The following WDHD1 variants were observed in gnomAD, a reference collection of about 807,000 sequenced individuals.
The protein encoded by WDHD1 is WD repeat and HMG-box DNA-binding protein 1.
Under a neutral mutation model 135.4 loss-of-function variants are expected in WDHD1, and 111 were observed. The observed-to-expected ratio is 0.82, with a 90% confidence interval of 0.70 to 0.96. WDHD1 has a LOEUF of 0.96. WDHD1 is among the 40% of genes least tolerant of loss of function. WDHD1 has a pLI of 0.00. For synonymous variants in WDHD1, 434 were observed against 439.0 expected (o/e 0.99, Z 0.14); for missense variants, 1,351 against 1,336.3 (o/e 1.01, Z -0.17).
At chr14:55,006,273 C>A (rs2042067525) in intron 7 of WDHD1, among the ~76,000 whole-genome samples, 1 of 152,102 alleles carries the variant, frequency 6.6e-6, no homozygotes. Flanking sequence ...TTCTATTTAT[C>A]CAAGTCTTCT....
At chr14:55,004,911 G>A in intron 7 of WDHD1, 1 of 526,170 alleles carries the variant, frequency 1.9e-6, no homozygotes. Context: ...CCAGTTTTCA[G>A]GAGGGAACTG....
Position 54,991,309 on chromosome 14 carries a change from T to A in WDHD1, c.1245A>T (p.Thr415=). The A allele has an allele frequency of 6.2e-7, 1 of 1,614,102 alleles. No homozygotes were observed. Residue 415 remains threonine, a synonymous_variant, in exon 12 of 26, where the codon ACA becomes ACT. Coordinates refer to ENST00000360586, the MANE Select transcript of WDHD1 (RefSeq NM_007086.4). ...EGSIHNLPLV[T]SQRPFYDGPM... is the part of the protein sequence containing the mutation. ...GTCCATCATAAAATGGCCTTTGGGA[T>A]GTTACAAGTGGTAGATTGTGAATGC...
rs759941491 is a variant in WDHD1, at chr14:54,966,558, C to G, written c.2227G>C (p.Ala743Pro). 7 of 1,607,374 alleles carry G rather than the reference C, an allele frequency of 4.4e-6. No individual in the cohort carries two copies. The Admixed American group carries it at 1.2e-4, about 28-fold the overall frequency. The change falls in exon 18 of 26, where the codon GCT (alanine) becomes CCT (proline). Residue 743 changes from alanine (A) to proline (P), a missense_variant. Ala to Pro is a conservative substitution (Grantham distance 27). Around this residue, in one of 2 missense-constraint regions of WDHD1, gnomAD observed 1,330 missense variants for 1,296.1 expected, o/e 1.03. Transcript: ENST00000360586. ...TCTTCATATTCATAACCATTTTTAG[C>G]TAAATAATCAAGGTGGTTGTGAAAT... ...VIFHNHLDYLAKNGYEYEEST... is the reference protein window; with the variant it reads ...VIFHNHLDYLPKNGYEYEEST...
chr14:54,953,593 A>C (rs1264894623), intron 24 of WDHD1, among the ~76,000 whole-genome samples: 1 of 152,200 alleles, frequency 6.6e-6, no homozygotes, highest in African/African-American at 2.4e-5. Flanking sequence ...AACTAGAAAT[A>C]CCATTTGACC....
In WDHD1 at chr14:54,995,734, T is replaced by C. The variant is rs1317760320; in HGVS notation, c.1022A>G (p.Asp341Gly). ...DMSNAGDFLN[D>G]NAVEIPSFSK... is the part of the protein sequence containing the mutation. ...AAAAGAAGGGATCTCAACTGCATTG[T>C]CATTTAGAAAATCACCAGCATTACT... is the stretch of plus-strand genomic sequence containing the variant. The change falls in exon 11 of 26, where the codon GAC becomes GGC. Residue 341 changes from aspartate to glycine, a missense_variant. Physicochemically the swap from Asp to Gly is moderately conservative, Grantham distance 94. Coordinates refer to ENST00000360586, the MANE Select transcript of WDHD1 (RefSeq NM_007086.4). The C allele has an allele frequency of 1.2e-6, 2 of 1,613,488 alleles. No homozygotes were observed. Among genetic ancestry groups the C allele is most frequent in the Admixed American group, 1.7e-5 (1 of 59,850 alleles).
At chr14:54,986,800 T>A (rs1566727595) in intron 14 of WDHD1, among the ~76,000 whole-genome samples, 1 of 152,204 alleles carries the variant, frequency 6.6e-6, no homozygotes, top group Non-Finnish European at 1.5e-5. Context: ...CAGCAGCTTT[T>A]AAAAAGTGTC....
chr14:54,960,662 G>C (rs750293371), intron 21 of WDHD1, among the ~76,000 whole-genome samples: 6 of 151,686 alleles, frequency 4.0e-5, no homozygotes, highest in Non-Finnish European at 5.9e-5. Flanking sequence ...ACCATGCCCG[G>C]CTAATTTTTT....
At chr14:54,990,386 A>T (rs1595098622) in intron 12 of WDHD1, among the ~76,000 whole-genome samples, 1 of 152,138 alleles carries the variant, frequency 6.6e-6, no homozygotes, top group African/African-American at 2.4e-5. Flanking sequence ...TCACGAGGTC[A>T]GGAGATCGAG....
chr14:54,983,606 G>A (rs1299331281), intron 15 of WDHD1, among the ~76,000 whole-genome samples: 1 of 152,112 alleles, frequency 6.6e-6, no homozygotes. Context: ...CCGGAAGGCA[G>A]AGGTTGCAGT....
At chr14:54,972,254 G>T (rs1489512384) in intron 16 of WDHD1, among the ~76,000 whole-genome samples, 6 of 141,824 alleles carry the variant, frequency 4.2e-5, no homozygotes. Flanking sequence ...CAGCCTGGGA[G>T]ACAGAGTGAG....
At chr14:54,975,455 C>A (rs1240905654) in intron 16 of WDHD1, among the ~76,000 whole-genome samples, 2 of 151,616 alleles carry the variant, frequency 1.3e-5, no homozygotes, top group African/African-American at 4.8e-5. Context: ...TGAAGCGATT[C>A]TCTTGCCTCA....
At chr14:54,986,745 T>C (rs10150556) in intron 14 of WDHD1, among the ~76,000 whole-genome samples, 5,376 of 152,194 alleles carry the variant, frequency 0.035, 346 homozygotes, top group African/African-American at 0.12. Context: ...AGTCTTAGCA[T>C]AGTGACGGGG....
rs185358233 is a variant in WDHD1, at chr14:55,012,367, A to C, written c.189+1118T>G. ...ACACTCAAGTTAAAAGTCATCACAA[A>C]TAAAAAGCTTAGGGGTTTATAGATA... On this transcript the variant is annotated intron_variant, in intron 3 of 25. Coordinates refer to ENST00000360586, the MANE Select transcript of WDHD1 (RefSeq NM_007086.4). Among the ~76,000 whole-genome samples, 13 of 152,346 alleles carry C rather than the reference A, an allele frequency of 8.5e-5. No homozygotes were observed. In the East Asian group the frequency reaches 2.5e-3, roughly 29 times the overall value.
chr14:54,995,958 T>C, intron 10 of WDHD1, 145 bp from the exon 11 acceptor site: 1 of 601,982 alleles, frequency 1.7e-6, no homozygotes, highest in South Asian at 2.8e-5. Context: ...AGTAAATGTA[T>C]TTATGAGAAT....
intron 25 of WDHD1, among the ~76,000 whole-genome samples, chr14:54,942,319 T>G (rs1334759748): frequency 6.6e-6 from 1 of 152,034 alleles, no homozygotes; most frequent in Non-Finnish European, 1.5e-5. Flanking sequence ...AATTGCAGTT[T>G]CACATGCAGT....
chr14:54,941,766 T>C, intron 25 of WDHD1, 76 bp from the exon 26 acceptor site: 1 of 1,256,222 alleles, frequency 8.0e-7, no homozygotes, highest in Non-Finnish European at 1.1e-6. Flanking sequence ...TTATTTACTT[T>C]TCCAGGTAAT....
intron 10 of WDHD1, among the ~76,000 whole-genome samples, chr14:54,997,471 G>C (rs967630848): frequency 7.9e-5 from 12 of 152,274 alleles, no homozygotes; most frequent in African/African-American, 2.6e-4. Context: ...AGATGAAAAA[G>C]TGTTTCTAAA....
In WDHD1 at chr14:54,950,968, T is replaced by G. The variant is rs2041041222; in HGVS notation, c.3050+4593A>C. ...AACCAACGAGAACAAAGACACAGCA[T>G]ACCAGAATCTCTGGGACACATTTAA... On this transcript the variant is annotated intron_variant, in intron 24 of 25. Transcript: ENST00000360586. 4.6e-5 allele frequency among the ~76,000 whole-genome samples: 7 copies of G among 152,186 alleles called. No individual in the cohort carries two copies. The South Asian group carries it at 1.5e-3, about 32-fold the overall frequency.
intron 10 of WDHD1, among the ~76,000 whole-genome samples, chr14:55,000,244 T>C (rs769978553): frequency 6.6e-6 from 1 of 152,144 alleles, no homozygotes. Context: ...AACTGAGACC[T>C]GATACAAAAT....
Sources: gnomAD v4.1 joint callset for allele counts (sites outside exome capture counted in the v4.1 genomes callset) on GRCh38, gnomAD v4.1.1 for gene constraint, gnomAD v4.1.1 regional missense constraint, MANE v1.5 for transcripts, NCBI Gene and HGNC (gene_info 2026-07-23, HGNC 2026-07-21) for gene names.